ASTN2: variants seen among roughly 807,000 people sequenced by gnomAD.
ASTN2 encodes astrotactin 2, also known as astrotactin-2.
A neutral mutation model predicts 139.8 loss-of-function variants in ASTN2; 54 were observed. The ratio of observed to expected loss-of-function variants is 0.39; its 90% CI spans 0.31 to 0.48. The LOEUF is 0.48. Ranked by LOEUF, ASTN2 falls within the 20% of genes least tolerant of loss-of-function variation. ASTN2 has a pLI of 0.95. For missense variants in ASTN2, 1,565 were observed against 1,725.1 expected (o/e 0.91, Z 1.64); for synonymous variants, 756 against 719.5 (o/e 1.05, Z -0.81).
rs1312557731 is a variant in ASTN2 at position 117,119,031 on chromosome 9, AC to A, written c.1168+22294del. On this transcript the variant is annotated intron_variant, in intron 4 of 22. Coordinates refer to ENST00000313400, the MANE Select transcript of ASTN2 (RefSeq NM_001365068.1). ...AGAATAGAACCTGCAGGAGTTCAGG[AC>A]CTTTGTCTTTTTATCACCATACTCT... 2.6e-5 allele frequency among the ~76,000 whole-genome samples: 4 copies of A among 152,278 alleles called. No individual in the cohort carries two copies. In the South Asian group the frequency reaches 6.2e-4, roughly 24 times the overall value.
At position 116,692,868 on chromosome 9, in the gene ASTN2, C is replaced by T. The variant is rs562106957; in HGVS notation, c.2806+32903G>A. Among the ~76,000 whole-genome samples, 18 of 152,202 alleles carry T rather than the reference C, an allele frequency of 1.2e-4. No individual in the cohort carries two copies. In the South Asian group the frequency reaches 2.5e-3, roughly 21 times the overall value. On this transcript the variant is annotated intron_variant, in intron 16 of 22. Transcript: ENST00000313400. Reference sequence around the variant, plus strand: ...CTGGTCTCAAGTAAGGAGATTGCTACGAATTCTAGCATTTCATACTTAGTC... The same window carrying T: ...CTGGTCTCAAGTAAGGAGATTGCTATGAATTCTAGCATTTCATACTTAGTC...
chr9:117,357,171 T>C (rs1247595637), intron 1 of ASTN2, among the ~76,000 whole-genome samples: 1 of 152,206 alleles, frequency 6.6e-6, no homozygotes, highest in African/African-American at 2.4e-5. Context: ...CCAACAGAAA[T>C]GTTTTAATTT....
At chr9:116,881,922 C>A (rs1164171008) in intron 10 of ASTN2, among the ~76,000 whole-genome samples, 1 of 133,098 alleles carries the variant, frequency 7.5e-6, no homozygotes, top group Non-Finnish European at 1.8e-5. Flanking sequence ...TGTAGCACAA[C>A]TTAATGAATG....
At chr9:116,755,718 C>T (rs531634024) in intron 13 of ASTN2, among the ~76,000 whole-genome samples, 4 of 152,140 alleles carry the variant, frequency 2.6e-5, no homozygotes, top group African/African-American at 9.6e-5. Flanking sequence ...AACTTTCCAT[C>T]TGCATTAAAT....
At chr9:116,469,418 T>C (rs563678765) in intron 20 of ASTN2, among the ~76,000 whole-genome samples, 8 of 152,014 alleles carry the variant, frequency 5.3e-5, no homozygotes, top group African/African-American at 1.7e-4. Flanking sequence ...CCCAGCAGAA[T>C]AGAGAACTTT....
chr9:116,591,596 G>A lies in ASTN2; in HGVS notation c.3355+26728C>T, dbSNP rs116164994. ...TATGACTCTACCCAACAATATGAAT[G>A]GATCCTGTAGTGTGATAAGCATGGG... On this transcript the variant is annotated intron_variant, in intron 19 of 22. Transcript: ENST00000313400. 6.3e-3 allele frequency among the ~76,000 whole-genome samples: 953 copies of A among 152,262 alleles called. 14 individuals are homozygous for A. The highest frequency in any genetic ancestry group is 0.021 in the African/African-American group (893 of 41,540).
intron 1 of ASTN2, among the ~76,000 whole-genome samples, chr9:117,358,382 T>G (rs866341626): frequency 6.6e-6 from 1 of 150,484 alleles, no homozygotes; most frequent in East Asian, 1.9e-4. Flanking sequence ...CAGGAAAAGG[T>G]GAGGGTGTGG....
At chr9:117,141,578 A>G (rs1327674459) in intron 3 of ASTN2, 100 bp from the exon 4 acceptor site, 1 of 1,127,624 alleles carries the variant, frequency 8.9e-7, no homozygotes, top group African/African-American at 1.6e-5. Flanking sequence ...TTCAGCCCCT[A>G]GAGCACTAGA....
At chr9:116,831,838 C>G (rs1001020539) in intron 11 of ASTN2, among the ~76,000 whole-genome samples, 2 of 152,008 alleles carry the variant, frequency 1.3e-5, no homozygotes, top group African/African-American at 4.8e-5. Context: ...TATATTAAAC[C>G]TTTATATCAA....
Position 116,618,364 on chromosome 9 carries a change from A to T in ASTN2, c.3315T>A (p.His1105Gln). 6.2e-7 allele frequency: 1 copy of T among 1,614,154 alleles called. No homozygotes were observed. Among genetic ancestry groups the T allele is most frequent in the Non-Finnish European group, 8.5e-7 (1 of 1,179,992 alleles). ...GTKVSDYILQ[H>Q]KKVDEYTDTD... ...TGTCTGTGTATTCATCCACTTTCTT[A>T]TGCTGCAGAATATAGTCGGAGACCT... The change falls in exon 19 of 23, where the codon CAT becomes CAA. Residue 1105 changes from histidine to glutamine, a missense_variant. His to Gln is a conservative substitution (Grantham distance 24). Coordinates refer to ENST00000313400, the MANE Select transcript of ASTN2 (RefSeq NM_001365068.1).
intron 6 of ASTN2, among the ~76,000 whole-genome samples, chr9:117,022,234 T>C (rs1178231635): frequency 6.6e-6 from 1 of 152,088 alleles, no homozygotes; most frequent in African/African-American, 2.4e-5. Context: ...TTGAAACAAC[T>C]GAAATTTAAT....
At chr9:116,493,528 A>T (rs1303711789) in intron 19 of ASTN2, among the ~76,000 whole-genome samples, 1 of 152,076 alleles carries the variant, frequency 6.6e-6, no homozygotes, top group Admixed American at 6.5e-5. Flanking sequence ...GTTAATCATG[A>T]TTCTGCTGCA....
At chr9:117,385,794 A>C (rs1049176545) in intron 1 of ASTN2, among the ~76,000 whole-genome samples, 2 of 152,042 alleles carry the variant, frequency 1.3e-5, no homozygotes, top group Non-Finnish European at 2.9e-5. Flanking sequence ...GACAAAAAGG[A>C]AAAAGGAGAG....
intron 3 of ASTN2, among the ~76,000 whole-genome samples, chr9:117,195,284 G>A (rs1399112873): frequency 6.6e-6 from 1 of 152,168 alleles, no homozygotes; most frequent in Non-Finnish European, 1.5e-5. Flanking sequence ...ATTGGGGAAG[G>A]AAAGAGGGTA....
intron 20 of ASTN2, among the ~76,000 whole-genome samples, chr9:116,484,066 G>C (rs1412680077): frequency 1.3e-5 from 2 of 152,110 alleles, no homozygotes; most frequent in Non-Finnish European, 2.9e-5. Flanking sequence ...CTCTCAAAAG[G>C]ATTCTGGATG....
Position 116,813,211 on chromosome 9 carries a change from G to C in ASTN2, c.2208-7391C>G, listed in dbSNP as rs541324917. 2.0e-5 allele frequency among the ~76,000 whole-genome samples: 3 copies of C among 152,188 alleles called. No individual in the cohort carries two copies. In the South Asian group the frequency reaches 6.2e-4, roughly 32 times the overall value. ...AAAATAAGTGCAGAGATACATACCG[G>C]GCATTTTAGCTGAAGGCAATGGATG... On this transcript the variant is annotated intron_variant, in intron 12 of 22. Transcript: ENST00000313400.
intron 17 of ASTN2, among the ~76,000 whole-genome samples, chr9:116,644,353 G>A (rs1027912123): frequency 2.0e-5 from 3 of 152,096 alleles, no homozygotes; most frequent in East Asian, 3.9e-4. Flanking sequence ...TCACAGGATT[G>A]GAAGTCTGAA....
chr9:117,394,422 G>A (rs1200287839), intron 1 of ASTN2, among the ~76,000 whole-genome samples: 1 of 152,110 alleles, frequency 6.6e-6, no homozygotes, highest in Non-Finnish European at 1.5e-5. Flanking sequence ...ATGGCTAGTG[G>A]CCACTATATT....
At chr9:117,106,080 C>A (rs926760938) in intron 4 of ASTN2, among the ~76,000 whole-genome samples, 7 of 152,100 alleles carry the variant, frequency 4.6e-5, no homozygotes, top group Non-Finnish European at 4.4e-5. Context: ...TATTAAGTTC[C>A]GTGAAATTTC....
Sources: gnomAD v4.1 joint callset for allele counts (sites outside exome capture counted in the v4.1 genomes callset) on GRCh38, gnomAD v4.1.1 for gene constraint, MANE v1.5 for transcripts, NCBI Gene and HGNC (gene_info 2026-07-23, HGNC 2026-07-21) for gene names.